Variants in TRPC4 observed in about 807,000 individuals in gnomAD.
The protein encoded by TRPC4 is short transient receptor potential channel 4.
Under a neutral mutation model 99.4 loss-of-function variants are expected in TRPC4, and 49 were observed. The ratio of observed to expected loss-of-function variants is 0.49; its 90% CI spans 0.39 to 0.63. The LOEUF is 0.63. TRPC4 is among the 20% of genes least tolerant of loss of function. The pLI is 0.00. For missense variants in TRPC4, 898 were observed against 1,152.9 expected, an observed-to-expected ratio of 0.78 and a Z score of 3.20; for synonymous variants, 454 against 425.9, an observed-to-expected ratio of 1.07 and a Z score of -0.81.
Position 37,869,657 on chromosome 13 carries a change from T to C in TRPC4, c.-90A>G, listed in dbSNP as rs2139758088. The C allele has an allele frequency of 6.6e-6, 1 of 152,430 alleles. No individual in the cohort carries two copies. The highest frequency in any genetic ancestry group is 1.5e-5 in the Non-Finnish European group (1 of 68,148). The allele number at this position is 152,430 out of a possible 1,614,324, so 9.4% of individuals were successfully genotyped here. A position where few individuals can be genotyped will look rare whatever the true frequency, so the allele number is the denominator to read the frequency against. On this transcript the variant is annotated 5_prime_UTR_variant, in exon 1 of 11. Transcript: ENST00000379705. ...CCGAGGACTGACGGCGCGGGTGCCG[T>C]GCGGGGTGAGAGCACGCCCGGCAAA...
At chr13:37,701,462 A>AG (rs922687308) in intron 3 of TRPC4, among the ~76,000 whole-genome samples, 1 of 151,986 alleles carries the variant, frequency 6.6e-6, no homozygotes, top group African/African-American at 2.4e-5. Context: ...AAACAGCCTA[A>AG]GTTATGTTCC....
At chr13:37,815,183 G>A (rs1218683350) in intron 1 of TRPC4, among the ~76,000 whole-genome samples, 1 of 151,590 alleles carries the variant, frequency 6.6e-6, no homozygotes, top group Non-Finnish European at 1.5e-5. Flanking sequence ...AATTCAAAAA[G>A]GATCAAAGAT....
chr13:37,801,822 T>G (rs1462096506), intron 1 of TRPC4, among the ~76,000 whole-genome samples: 1 of 152,050 alleles, frequency 6.6e-6, no homozygotes, highest in African/African-American at 2.4e-5. Context: ...TAGGTAACAT[T>G]TGAGCTGGAT....
intron 2 of TRPC4, among the ~76,000 whole-genome samples, chr13:37,774,014 A>G (rs1269723578): frequency 1.3e-5 from 2 of 151,748 alleles, no homozygotes; most frequent in Admixed American, 6.6e-5. Context: ...AAAAATTCAC[A>G]TTTATATATA....
At chr13:37,739,996 CTATGCCGTCAAATTTG>C (rs1955533139) in intron 3 of TRPC4, among the ~76,000 whole-genome samples, 1 of 152,104 alleles carries the variant, frequency 6.6e-6, no homozygotes, top group Non-Finnish European at 1.5e-5. Flanking sequence ...CAATGGTCAG[CTATGCCGTCAAATTTG>C]TAGCAAGTGC....
chr13:37,655,817 C>T (rs1265782596), intron 6 of TRPC4, among the ~76,000 whole-genome samples: 1 of 152,196 alleles, frequency 6.6e-6, no homozygotes, highest in African/African-American at 2.4e-5. Context: ...CTATCTGCTC[C>T]TTTTCATAGA....
chr13:37,737,971 C>A (rs905993858), intron 3 of TRPC4, among the ~76,000 whole-genome samples: 2 of 152,038 alleles, frequency 1.3e-5, no homozygotes. Context: ...TATTCCAGGG[C>A]AGGGAAAATG....
At chr13:37,704,942 C>T (rs1013966767) in intron 3 of TRPC4, among the ~76,000 whole-genome samples, 3 of 152,086 alleles carry the variant, frequency 2.0e-5, no homozygotes, top group Non-Finnish European at 4.4e-5. Flanking sequence ...AATCCCACTA[C>T]TAGGCATATA....
chr13:37,813,375 G>T (rs1957757013), intron 1 of TRPC4, among the ~76,000 whole-genome samples: 1 of 150,880 alleles, frequency 6.6e-6, no homozygotes, highest in Non-Finnish European at 1.5e-5. Flanking sequence ...GCAAGCAGAA[G>T]AAATAATATA....
intron 3 of TRPC4, among the ~76,000 whole-genome samples, chr13:37,697,128 C>T (rs142128698): frequency 3.0e-4 from 45 of 152,140 alleles, no homozygotes; most frequent in African/African-American, 1.1e-3. Context: ...TTTTCACCTG[C>T]CTTTCCAGGG....
intron 3 of TRPC4, among the ~76,000 whole-genome samples, chr13:37,741,090 CAAAT>C (rs1593630678): frequency 6.6e-6 from 1 of 152,250 alleles, no homozygotes. Context: ...TGTTTTTAGA[CAAAT>C]AATCTATTTC....
At chr13:37,792,881 T>G (rs910404088) in intron 1 of TRPC4, among the ~76,000 whole-genome samples, 2 of 152,168 alleles carry the variant, frequency 1.3e-5, no homozygotes, top group African/African-American at 4.8e-5. Flanking sequence ...TAGGAGATTA[T>G]TGCAAATGTA....
chr13:37,756,168 A>G (rs906545172), intron 2 of TRPC4, among the ~76,000 whole-genome samples: 4 of 152,194 alleles, frequency 2.6e-5, no homozygotes, highest in African/African-American at 7.2e-5. Context: ...ATATGTATGT[A>G]CATGTGTGCA....
intron 4 of TRPC4, among the ~76,000 whole-genome samples, chr13:37,678,362 C>T (rs934051135): frequency 3.3e-5 from 5 of 151,788 alleles, no homozygotes; most frequent in East Asian, 1.9e-4. Context: ...ATTGATAAAA[C>T]GCTAGCCAGA....
At chr13:37,746,915 G>A (rs1232433096) in intron 2 of TRPC4, among the ~76,000 whole-genome samples, 1 of 152,002 alleles carries the variant, frequency 6.6e-6, no homozygotes, top group East Asian at 1.9e-4. Flanking sequence ...ATTAGGTTTT[G>A]TCTTTTGTTT....
chr13:37,774,323 A>G (rs1245073797), intron 2 of TRPC4, among the ~76,000 whole-genome samples: 1 of 151,794 alleles, frequency 6.6e-6, no homozygotes, highest in Non-Finnish European at 1.5e-5. Flanking sequence ...CAAAGCTTAC[A>G]GTACAAAATT....
At chr13:37,756,902 C>T (rs1268651724) in intron 2 of TRPC4, among the ~76,000 whole-genome samples, 5 of 151,910 alleles carry the variant, frequency 3.3e-5, no homozygotes, top group African/African-American at 4.8e-5. Context: ...ATAATAAACA[C>T]CTTAAAAGAA....
At chr13:37,696,349 G>T (rs1953904361) in intron 3 of TRPC4, among the ~76,000 whole-genome samples, 1 of 152,174 alleles carries the variant, frequency 6.6e-6, no homozygotes, top group African/African-American at 2.4e-5. Context: ...ATCTAGAAAA[G>T]TGAACTAAAA....
At chr13:37,841,149 T>G (rs1426810784) in intron 1 of TRPC4, among the ~76,000 whole-genome samples, 1 of 152,132 alleles carries the variant, frequency 6.6e-6, no homozygotes, top group East Asian at 1.9e-4. Flanking sequence ...AGGATCACAA[T>G]GAGCAAGTAA....
Sources: gnomAD v4.1 joint callset for allele counts (sites outside exome capture counted in the v4.1 genomes callset) on GRCh38, gnomAD v4.1.1 for gene constraint, MANE v1.5 for transcripts, NCBI Gene and HGNC (gene_info 2026-07-23, HGNC 2026-07-21) for gene names.